GALNT13: variants seen among roughly 807,000 people sequenced by gnomAD.
GALNT13 encodes the protein UDP-GalNAc:polypeptide N-acetylgalactosaminyltransferase 13.
Under a neutral mutation model 64.2 loss-of-function variants are expected in GALNT13, and 28 were observed. The ratio of observed to expected loss-of-function variants is 0.44; its 90% confidence interval spans 0.32 to 0.60. The LOEUF is 0.60. GALNT13 is among the 20% of genes least tolerant of loss of function. The probability of loss-of-function intolerance (pLI) is 0.05; values close to 1 mark genes in which losing one functional copy is unlikely to be tolerated. For synonymous variants in GALNT13, 214 were observed against 224.6 expected (o/e 0.95, Z 0.42); for missense variants, 577 against 669.8 (o/e 0.86, Z 1.53).
chr2:153,493,238 A>T, the GALNT13 span, among the ~76,000 whole-genome samples: 1 of 152,100 alleles, frequency 6.6e-6, no homozygotes, highest in East Asian at 1.9e-4. Flanking sequence ...TTCTTTGAAG[A>T]TATCAACAAA....
chr2:153,258,174 T>C, the GALNT13 span, among the ~76,000 whole-genome samples: 1 of 152,186 alleles, frequency 6.6e-6, no homozygotes, highest in Non-Finnish European at 1.5e-5. Flanking sequence ...ATAATTATTC[T>C]TATTGGGCTT....
the GALNT13 span, among the ~76,000 whole-genome samples, chr2:153,077,710 A>C: frequency 2.6e-5 from 4 of 152,192 alleles, no homozygotes; most frequent in Non-Finnish European, 4.4e-5. Context: ...TAAAAGAAAA[A>C]TCTGAGTCAC....
intron 3 of GALNT13, among the ~76,000 whole-genome samples, chr2:154,036,201 GGACT>G (rs1391495019): frequency 2.6e-5 from 4 of 152,006 alleles, no homozygotes; most frequent in Non-Finnish European, 4.4e-5. Flanking sequence ...TTTCCCTAGA[GGACT>G]TCTTAAATCA....
chr2:153,488,271 C>G, the GALNT13 span, among the ~76,000 whole-genome samples: 1 of 152,190 alleles, frequency 6.6e-6, no homozygotes, highest in Non-Finnish European at 1.5e-5. Flanking sequence ...TCAGTTCTTT[C>G]TCTGTGAAGA....
At chr2:154,367,173 T>TGAG (rs10687872) in intron 9 of GALNT13, among the ~76,000 whole-genome samples, 150,811 of 152,188 alleles carry the variant, frequency 0.99, 74,740 homozygotes, top group East Asian at 1. Flanking sequence ...AAACCATAAA[T>TGAG]GAGATGAAAC....
the GALNT13 span, among the ~76,000 whole-genome samples, chr2:153,532,279 G>A: frequency 6.6e-6 from 1 of 152,020 alleles, no homozygotes; most frequent in South Asian, 2.1e-4. Context: ...ACACCACATG[G>A]AAGCCACCCC....
chr2:154,217,325 A>T (rs1356981419), intron 4 of GALNT13, among the ~76,000 whole-genome samples: 1 of 152,118 alleles, frequency 6.6e-6, no homozygotes, highest in Non-Finnish European at 1.5e-5. Flanking sequence ...CATATGAATG[A>T]GCAAAGTACT....
chr2:153,480,384 G>A, the GALNT13 span, among the ~76,000 whole-genome samples: 4 of 152,082 alleles, frequency 2.6e-5, no homozygotes, highest in Non-Finnish European at 5.9e-5. Flanking sequence ...TGGTATATCA[G>A]CTGCAATAAG....
At chr2:153,250,466 A>G in the GALNT13 span, among the ~76,000 whole-genome samples, 1 of 152,242 alleles carries the variant, frequency 6.6e-6, no homozygotes, top group Admixed American at 6.5e-5. Context: ...TGTGGAAGAC[A>G]GTATGGTGAT....
chr2:153,660,301 G>C, the GALNT13 span, among the ~76,000 whole-genome samples: 3 of 152,074 alleles, frequency 2.0e-5, no homozygotes, highest in Non-Finnish European at 2.9e-5. Context: ...CCTTTGCAGA[G>C]AAGTGTGACA....
At chr2:153,566,348 GTTTTTTTT>G in the GALNT13 span, among the ~76,000 whole-genome samples, 29 of 74,800 alleles carry the variant, frequency 3.9e-4, no homozygotes, top group South Asian at 1.4e-3. Flanking sequence ...TTCTAATCAC[GTTTTTTTT>G]TTTTTTTTTT....
chr2:153,461,033 A>AT, the GALNT13 span, among the ~76,000 whole-genome samples: 6 of 152,106 alleles, frequency 3.9e-5, no homozygotes, highest in Non-Finnish European at 2.9e-5. Context: ...CTTTTCTGTA[A>AT]TTTTTTGCAA....
At chr2:153,091,434 T>C in the GALNT13 span, among the ~76,000 whole-genome samples, 1 of 152,192 alleles carries the variant, frequency 6.6e-6, no homozygotes, top group Admixed American at 6.5e-5. Flanking sequence ...CAGAGGCAGG[T>C]TTTCCCCATC....
chr2:154,444,302 A>G (rs1701454329), intron 12 of GALNT13, among the ~76,000 whole-genome samples: 1 of 152,164 alleles, frequency 6.6e-6, no homozygotes, highest in Non-Finnish European at 1.5e-5. Flanking sequence ...ATAGTATACC[A>G]CATATAGAAA....
At chr2:153,598,374 C>T in the GALNT13 span, among the ~76,000 whole-genome samples, 1 of 151,992 alleles carries the variant, frequency 6.6e-6, no homozygotes, top group Non-Finnish European at 1.5e-5. Flanking sequence ...AAGCTTTTAC[C>T]CAGATCTTTG....
intron 3 of GALNT13, among the ~76,000 whole-genome samples, chr2:154,138,999 A>C (rs575695547): frequency 1.1e-4 from 17 of 152,184 alleles, no homozygotes; most frequent in African/African-American, 3.6e-4. Context: ...GAAATTGAAT[A>C]CATATTTTTT....
At chr2:153,135,132 G>A in the GALNT13 span, among the ~76,000 whole-genome samples, 1 of 152,124 alleles carries the variant, frequency 6.6e-6, no homozygotes, top group Non-Finnish European at 1.5e-5. Flanking sequence ...GGGCTCCCTT[G>A]GTAGCTTGCA....
At chr2:153,899,558 A>T (rs1395741141) in intron 1 of GALNT13, among the ~76,000 whole-genome samples, 6 of 152,154 alleles carry the variant, frequency 3.9e-5, no homozygotes, top group African/African-American at 1.4e-4. Context: ...TGTGTGAAAC[A>T]TTAGCAAAAT....
the GALNT13 span, among the ~76,000 whole-genome samples, chr2:153,156,713 C>T: frequency 6.6e-6 from 1 of 152,126 alleles, no homozygotes; most frequent in African/African-American, 2.4e-5. Flanking sequence ...ATTCCCAGTC[C>T]TGATGGTATT....
Sources: allele counts gnomAD v4.1 joint callset (sites outside exome capture counted in the v4.1 genomes callset), GRCh38; gene constraint gnomAD v4.1.1; transcripts MANE v1.5; gene names NCBI Gene and HGNC (gene_info 2026-07-23, HGNC 2026-07-21).